The following CTNND2 variants were observed in gnomAD, a reference collection of about 807,000 sequenced individuals.
CTNND2 encodes catenin delta 2, also known as catenin delta-2.
Under a neutral mutation model 144.4 loss-of-function variants are expected in CTNND2, and 22 were observed. The ratio of observed to expected loss-of-function variants is 0.15; its 90% CI spans 0.11 to 0.22. The LOEUF (loss-of-function observed/expected upper bound fraction) is 0.22, where lower values mean the gene tolerates loss of function less well. Ranked by LOEUF, CTNND2 falls within the 10% of genes least tolerant of loss-of-function variation. CTNND2 has a pLI of 1.00. For synonymous variants in CTNND2, 751 were observed against 695.6 expected (o/e 1.08, Z -1.25); for missense variants, 1,353 against 1,618.8 (o/e 0.84, Z 2.82).
intron 9 of CTNND2, among the ~76,000 whole-genome samples, chr5:11,281,142 T>G (rs1747069503): frequency 6.6e-6 from 1 of 152,230 alleles, no homozygotes; most frequent in South Asian, 2.1e-4. Flanking sequence ...TTTCGGCCTT[T>G]TAATGGCAGA....
chr5:11,822,969 A>G (rs1480549693), intron 1 of CTNND2, among the ~76,000 whole-genome samples: 3 of 152,200 alleles, frequency 2.0e-5, no homozygotes, highest in Non-Finnish European at 4.4e-5. Context: ...ACAGACCACT[A>G]AGTGTTAGAG....
intron 3 of CTNND2, among the ~76,000 whole-genome samples, chr5:11,513,063 T>C (rs534646561): frequency 5.3e-5 from 8 of 152,320 alleles, no homozygotes; most frequent in South Asian, 4.1e-4. Flanking sequence ...TTTTCATTGC[T>C]GTTTTTCTTC....
At chr5:11,317,912 G>C (rs961720365) in intron 9 of CTNND2, among the ~76,000 whole-genome samples, 2 of 152,166 alleles carry the variant, frequency 1.3e-5, no homozygotes, top group Non-Finnish European at 2.9e-5. Flanking sequence ...GCACCACATG[G>C]ATCACGGTAC....
chr5:11,420,440 T>C (rs1359944459), intron 3 of CTNND2, among the ~76,000 whole-genome samples: 1 of 152,234 alleles, frequency 6.6e-6, no homozygotes, highest in Admixed American at 6.5e-5. Context: ...AAAACATTTT[T>C]AGTACATAGT....
intron 5 of CTNND2, among the ~76,000 whole-genome samples, chr5:11,398,929 G>A (rs527662491): frequency 5.3e-5 from 8 of 152,248 alleles, no homozygotes; most frequent in Admixed American, 3.3e-4. Flanking sequence ...TGAGGTCCAA[G>A]TGACAGGCAG....
chr5:11,483,938 A>G (rs1768537796), intron 3 of CTNND2, among the ~76,000 whole-genome samples: 2 of 152,202 alleles, frequency 1.3e-5, no homozygotes, highest in Admixed American at 6.5e-5. Context: ...CAAGTGACTC[A>G]GGTGGGAGAA....
intron 3 of CTNND2, among the ~76,000 whole-genome samples, chr5:11,537,780 G>A (rs1056053561): frequency 9.2e-5 from 14 of 152,068 alleles, no homozygotes; most frequent in African/African-American, 2.7e-4. Context: ...TATGATAAAC[G>A]TATCTTAGCA....
intron 10 of CTNND2, among the ~76,000 whole-genome samples, chr5:11,216,523 T>C (rs1031058082): frequency 6.6e-6 from 1 of 152,174 alleles, no homozygotes; most frequent in Non-Finnish European, 1.5e-5. Context: ...AAGAAGCCTC[T>C]AGAAGCTGGA....
intron 3 of CTNND2, among the ~76,000 whole-genome samples, chr5:11,439,577 G>A (rs1764063036): frequency 6.6e-6 from 1 of 152,084 alleles, no homozygotes; most frequent in Admixed American, 6.5e-5. Context: ...CTGTTGCTCA[G>A]GCTGGAGTGC....
chr5:11,739,402 T>C (rs1024086171), intron 1 of CTNND2, among the ~76,000 whole-genome samples: 68 of 152,300 alleles, frequency 4.5e-4, no homozygotes, highest in Non-Finnish European at 6.8e-4. Flanking sequence ...GTCAAGAATG[T>C]GGGTGGAACA....
chr5:11,143,420 C>A (rs1441976274), intron 12 of CTNND2, among the ~76,000 whole-genome samples: 1 of 152,142 alleles, frequency 6.6e-6, no homozygotes, highest in Non-Finnish European at 1.5e-5. Flanking sequence ...TCGTTCTGGG[C>A]CTCTCTCTTA....
chr5:11,109,585 T>C (rs1383530785), intron 14 of CTNND2, among the ~76,000 whole-genome samples: 1 of 152,196 alleles, frequency 6.6e-6, no homozygotes. Flanking sequence ...TTGGCTCCTC[T>C]GTCCTGGAAG....
At chr5:11,863,101 C>T (rs547809649) in intron 1 of CTNND2, among the ~76,000 whole-genome samples, 3 of 152,116 alleles carry the variant, frequency 2.0e-5, no homozygotes, top group African/African-American at 7.2e-5. Flanking sequence ...TGAACTTACA[C>T]GAAAATGTCC....
intron 16 of CTNND2, among the ~76,000 whole-genome samples, chr5:11,064,946 C>T (rs187065175): frequency 8.5e-5 from 13 of 152,320 alleles, no homozygotes; most frequent in African/African-American, 3.1e-4. Flanking sequence ...CTTCAAGCCA[C>T]CTAGGAGCTG....
In CTNND2 at chr5:10,972,125, T is replaced by C. The variant is rs961429164; in HGVS notation, c.*1328A>G. ...CATTTTCTGTGGATACTTCAAGTAATTGGCCCCAAAGTGAAACTGAATTGG... is the reference window on the plus strand; with the variant it reads ...CATTTTCTGTGGATACTTCAAGTAACTGGCCCCAAAGTGAAACTGAATTGG... On this transcript the variant is annotated 3_prime_UTR_variant, in exon 22 of 22. Coordinates refer to ENST00000304623, the MANE Select transcript of CTNND2 (RefSeq NM_001332.4). The C allele has an allele frequency of 1.5e-4, 23 of 152,784 alleles. No individual in the cohort carries two copies. The highest frequency in any genetic ancestry group is 7.8e-4 in the Admixed American group (12 of 15,300). The allele number at this position is 152,784 out of a possible 1,614,324, so 9.5% of individuals were successfully genotyped here. A position where few individuals can be genotyped will look rare whatever the true frequency, so the allele number is the denominator to read the frequency against.
chr5:11,500,274 C>T (rs1006627671), intron 3 of CTNND2, among the ~76,000 whole-genome samples: 4 of 152,106 alleles, frequency 2.6e-5, no homozygotes, highest in Admixed American at 6.5e-5. Context: ...TGGCACAATC[C>T]CTAACACATG....
At chr5:11,580,145 T>C (rs980657622) in intron 2 of CTNND2, among the ~76,000 whole-genome samples, 1 of 152,066 alleles carries the variant, frequency 6.6e-6, no homozygotes, top group South Asian at 2.1e-4. Context: ...CAAAAAGCAA[T>C]GTCCTCCTTC....
chr5:11,263,444 T>C (rs540779916), intron 9 of CTNND2, among the ~76,000 whole-genome samples: 16 of 152,210 alleles, frequency 1.1e-4, no homozygotes, highest in African/African-American at 3.6e-4. Context: ...CATGAAATGA[T>C]AGTCAATAAA....
At chr5:11,358,562 T>G (rs556144139) in intron 8 of CTNND2, among the ~76,000 whole-genome samples, 2 of 152,208 alleles carry the variant, frequency 1.3e-5, no homozygotes, top group Non-Finnish European at 2.9e-5. Flanking sequence ...TAATAAGTAA[T>G]AAACTGCTGA....
Sources: allele counts gnomAD v4.1 joint callset (sites outside exome capture counted in the v4.1 genomes callset), GRCh38; gene constraint gnomAD v4.1.1; transcripts MANE v1.5; gene names NCBI Gene and HGNC (gene_info 2026-07-23, HGNC 2026-07-21).